CCDC88C: variants seen among roughly 807,000 people sequenced by gnomAD.
CCDC88C encodes the protein protein Daple.
In CCDC88C, 131 loss-of-function variants were observed where a neutral mutation model predicts 198.8. The observed-to-expected ratio is 0.66, with a 90% CI of 0.57 to 0.76. The LOEUF is 0.76. Among genes scored for constraint, CCDC88C ranks in the 30% least tolerant of loss-of-function variants. CCDC88C has a pLI of 0.00. For synonymous variants in CCDC88C, 1,166 were observed against 1,114.7 expected (o/e 1.05, Z -0.92); for missense variants, 2,553 against 2,631.6 (o/e 0.97, Z 0.65).
intron 10 of CCDC88C, among the ~76,000 whole-genome samples, chr14:91,336,646 C>A (rs547450269): frequency 2.0e-5 from 3 of 152,366 alleles, no homozygotes; most frequent in African/African-American, 7.2e-5. Flanking sequence ...AAACGGTCTA[C>A]CCTCCCCACC....
At chr14:91,307,527 TCAAA>T (rs1299311358) in intron 17 of CCDC88C, among the ~76,000 whole-genome samples, 4 of 152,164 alleles carry the variant, frequency 2.6e-5, no homozygotes, top group Non-Finnish European at 4.4e-5. Context: ...ATCCACTCCC[TCAAA>T]CAGAGGTGAG....
In CCDC88C at chr14:91,303,801, C is replaced by A; in HGVS notation, c.3535G>T (p.Glu1179Ter). Reference protein sequence around the residue: ...QDHEHLGTLHERQSAEYEALI... With the variant: ...QDHEHLGTLH ...GCCTCGTACTCGGCCGATTGCCGCT[C>A]GTGCAGCGTGCCCAGGTGCTCGTGG... The change falls in exon 20 of 30, where the codon GAG becomes TAG. Residue 1179 changes from glutamate (E) to a stop codon, truncating the protein, a stop_gained. Coordinates refer to ENST00000389857, the MANE Select transcript of CCDC88C (RefSeq NM_001080414.4). LOFTEE classifies it high-confidence loss of function. 1 of 1,613,424 alleles carries A rather than the reference C, an allele frequency of 6.2e-7. No individual in the cohort carries two copies. The highest frequency in any genetic ancestry group is 8.5e-7 in the Non-Finnish European group (1 of 1,179,902).
intron 10 of CCDC88C, among the ~76,000 whole-genome samples, chr14:91,330,730 G>T (rs558789096): frequency 6.6e-6 from 1 of 152,240 alleles, no homozygotes; most frequent in South Asian, 2.1e-4. Flanking sequence ...AGGTGTGGAG[G>T]GAAAGACAAT....
chr14:91,346,535 G>A (rs1293015556), intron 4 of CCDC88C, among the ~76,000 whole-genome samples: 1 of 151,790 alleles, frequency 6.6e-6, no homozygotes, highest in Non-Finnish European at 1.5e-5. Context: ...CTAATCCATA[G>A]AATAAATATC....
intron 3 of CCDC88C, among the ~76,000 whole-genome samples, chr14:91,392,612 C>T (rs1185974979): frequency 6.6e-6 from 1 of 152,158 alleles, no homozygotes; most frequent in African/African-American, 2.4e-5. Context: ...ACCAGCGATG[C>T]ATAAAAGAAG....
At chr14:91,393,933 A>G (rs574569428) in intron 3 of CCDC88C, among the ~76,000 whole-genome samples, 35 of 152,368 alleles carry the variant, frequency 2.3e-4, no homozygotes, top group African/African-American at 8.4e-4. Context: ...ACAGGGTGCT[A>G]GAAGACCAAT....
intron 22 of CCDC88C, among the ~76,000 whole-genome samples, chr14:91,295,572 C>G (rs1419664399): frequency 6.6e-6 from 1 of 152,216 alleles, no homozygotes; most frequent in Non-Finnish European, 1.5e-5. Context: ...ATCCTGAGGG[C>G]CAGTGCATCC....
intron 3 of CCDC88C, among the ~76,000 whole-genome samples, chr14:91,394,305 G>A (rs1242009646): frequency 6.6e-6 from 1 of 152,134 alleles, no homozygotes. Flanking sequence ...CTCCAGCCCA[G>A]CCCCCTCACT....
Position 91,337,316 on chromosome 14 carries a change from TCATAGAGC to T in CCDC88C, c.1050+681_1050+688del, listed in dbSNP as rs1893089300. On this transcript the variant is annotated intron_variant, in intron 10 of 29. Transcript: ENST00000389857. ...CAACACCAGTTACATCTTTGAAACC[TCATAGAGC>T]CATAACAATAATTCCTATTTTATTT... Among the ~76,000 whole-genome samples the T allele has an allele frequency of 2.0e-5, 3 of 152,192 alleles. No individual in the cohort carries two copies. In the South Asian group the frequency reaches 6.2e-4, roughly 31 times the overall value.
intron 3 of CCDC88C, among the ~76,000 whole-genome samples, chr14:91,382,227 T>C (rs1884845121): frequency 6.6e-6 from 1 of 152,132 alleles, no homozygotes; most frequent in Non-Finnish European, 1.5e-5. Context: ...AAGCACTCTT[T>C]TCCACAAATC....
At chr14:91,279,712 AGCCGAG>A (rs371959299) in intron 27 of CCDC88C, 2 of 162,130 alleles carry the variant, frequency 1.2e-5, no homozygotes, top group Admixed American at 6.1e-5. Context: ...ACATGTGGAC[AGCCGAG>A]GCCGAGGCCA....
rs143858916 is a variant in CCDC88C at position 91,274,393 on chromosome 14, A to G, written c.5059-740T>C. Among the ~76,000 whole-genome samples, 11 of 152,318 alleles carry G rather than the reference A, an allele frequency of 7.2e-5. No individual in the cohort carries two copies. In the East Asian group the frequency reaches 2.1e-3, roughly 29 times the overall value. On this transcript the variant is annotated intron_variant, in intron 29 of 29. Coordinates refer to ENST00000389857, the MANE Select transcript of CCDC88C (RefSeq NM_001080414.4). ...GGTGTCATTTGCCACCACCTTGGGA[A>G]TAGGCAGAGCCACAGAGGCAAGGGT...
rs1892564570 is a variant in CCDC88C at position 91,325,892 on chromosome 14, C to T, written c.1197+18G>A. The T allele has an allele frequency of 6.5e-7, 1 of 1,549,148 alleles. No individual in the cohort carries two copies. Among genetic ancestry groups the T allele is most frequent in the Non-Finnish European group, 8.7e-7 (1 of 1,145,092 alleles). The stretch of plus-strand genomic sequence containing the variant: ...GCCCAATCTGTTTTCAATGTAGTAA[C>T]AACACAGCCTGCAGTACCAATTCCA... On this transcript the variant is annotated intron_variant, in intron 11 of 29. Coordinates refer to ENST00000389857, the MANE Select transcript of CCDC88C (RefSeq NM_001080414.4). This position sits in a 1 kb window ranked among gnomAD's most constrained non-coding sequence, Gnocchi z 4.1.
intron 23 of CCDC88C, among the ~76,000 whole-genome samples, chr14:91,293,551 T>TCGCCTGCCACAGCCCACCTTCCTGC (rs1567055857): frequency 4.8e-4 from 3 of 6,210 alleles, no homozygotes; most frequent in African/African-American, 7.9e-4. Flanking sequence ...CACCTTCCTG[T>TCGCCTGCCACAGCCCACCTTCCTGC]CCCCTCGCCT....
intron 3 of CCDC88C, among the ~76,000 whole-genome samples, chr14:91,389,404 A>G (rs1284494587): frequency 6.6e-6 from 1 of 152,168 alleles, no homozygotes; most frequent in Non-Finnish European, 1.5e-5. Flanking sequence ...ACTGACCCCA[A>G]AGGTTTCAAG....
chr14:91,385,400 C>T (rs562179685), intron 3 of CCDC88C, among the ~76,000 whole-genome samples: 40 of 151,526 alleles, frequency 2.6e-4, no homozygotes, highest in African/African-American at 8.7e-4. Context: ...AGCACCCTGA[C>T]GCATATTACG....
chr14:91,272,007 G>A lies in CCDC88C; in HGVS notation c.*618C>T, dbSNP rs1889755679. The stretch of plus-strand genomic sequence containing the variant: ...TGGAGGCTGGGGGCAAATGGCCAAG[G>A]CCACCGCCAGCTGCCCTGCAGGCTG... On this transcript the variant is annotated 3_prime_UTR_variant, in exon 30 of 30. Transcript: ENST00000389857. 6.5e-6 allele frequency: 1 copy of A among 152,812 alleles called. No homozygotes were observed. The highest frequency in any genetic ancestry group is 1.5e-5 in the Non-Finnish European group (1 of 68,144). 9.5% of individuals were successfully genotyped at this position (152,812 alleles called of 1,614,324 possible).
rs1271653487 is a variant in CCDC88C, at chr14:91,308,445, G to A, written c.2912C>T (p.Thr971Ile). The A allele has an allele frequency of 1.2e-6, 2 of 1,613,918 alleles. No homozygotes were observed. Among genetic ancestry groups the A allele is most frequent in the South Asian group, 2.2e-5 (2 of 91,084 alleles). ...EGRNESALKTTLAMKEEKIVL... is the reference protein window; with the variant it reads ...EGRNESALKTILAMKEEKIVL... ...AATCTTTTCTTCTTTCATGGCTAGT[G>A]TTGTTTTTAATGCTGATTCATTTCT... The change falls in exon 17 of 30, where the codon ACA becomes ATA. Residue 971 changes from threonine to isoleucine, a missense_variant. Thr to Ile is a moderately conservative substitution (Grantham distance 89). Coordinates refer to ENST00000389857, the MANE Select transcript of CCDC88C (RefSeq NM_001080414.4).
intron 3 of CCDC88C, among the ~76,000 whole-genome samples, chr14:91,367,792 A>G (rs1361456056): frequency 6.6e-6 from 1 of 152,122 alleles, no homozygotes; most frequent in Non-Finnish European, 1.5e-5. Flanking sequence ...GGTTACCCTG[A>G]GCATCAAACT....
Sources: allele counts gnomAD v4.1 joint callset (sites outside exome capture counted in the v4.1 genomes callset), GRCh38; gene constraint gnomAD v4.1.1; non-coding constraint Gnocchi (gnomAD v3.1); transcripts MANE v1.5; gene names NCBI Gene and HGNC (gene_info 2026-07-23, HGNC 2026-07-21).